The following BANK1 variants were observed in gnomAD, a reference collection of about 807,000 sequenced individuals.
BANK1 encodes B-cell scaffold protein with ankyrin repeats.
BANK1 carries 95 observed loss-of-function variants against 94.5 expected under a neutral mutation model. That is an observed-to-expected ratio of 1.00 (90% CI 0.85 to 1.19). BANK1 has a LOEUF of 1.19. Ranked by LOEUF, BANK1 falls within the 50% of genes most tolerant of loss-of-function variation. The pLI, the probability that BANK1 is intolerant of heterozygous loss-of-function variation, is 0.00. For synonymous variants in BANK1, 334 were observed against 308.4 expected (o/e 1.08, Z -0.87); for missense variants, 987 against 932.2 (o/e 1.06, Z -0.77).
rs148316621 is a variant in BANK1 at position 101,983,224 on chromosome 4, A to G, written c.1207-38290A>G. ...AGTTAATATTTAAATTTTAAAATACACATTTATGACTTACTCTCAAATACA... is the reference window on the plus strand; with the variant it reads ...AGTTAATATTTAAATTTTAAAATACGCATTTATGACTTACTCTCAAATACA... On this transcript the variant is annotated intron_variant, in intron 7 of 16. Coordinates refer to ENST00000322953, the MANE Select transcript of BANK1 (RefSeq NM_017935.5). Among the ~76,000 whole-genome samples, 575 of 152,196 alleles carry G rather than the reference A, an allele frequency of 3.8e-3. 7 individuals carry two copies. Among genetic ancestry groups the G allele is most frequent in the African/African-American group, 0.013 (549 of 41,554 alleles).
chr4:101,822,866 C>T (rs555802104), intron 1 of BANK1, among the ~76,000 whole-genome samples: 6 of 152,246 alleles, frequency 3.9e-5, no homozygotes, highest in Admixed American at 2.0e-4. Context: ...CCGCCCGCCT[C>T]GGCCTCCCAG....
intron 13 of BANK1, among the ~76,000 whole-genome samples, chr4:102,068,088 G>A (rs1728648940): frequency 1.3e-5 from 2 of 151,698 alleles, no homozygotes; most frequent in Admixed American, 6.6e-5. Context: ...ATAACATGAG[G>A]GTCAAATAAG....
intron 7 of BANK1, among the ~76,000 whole-genome samples, chr4:101,988,318 T>C (rs2148930741): frequency 6.6e-6 from 1 of 152,312 alleles, no homozygotes; most frequent in Non-Finnish European, 1.5e-5. Flanking sequence ...AAAACAGCTT[T>C]TAGAGTTCTA....
At chr4:101,925,781 T>C (rs1310726197) in intron 7 of BANK1, among the ~76,000 whole-genome samples, 1 of 151,716 alleles carries the variant, frequency 6.6e-6, no homozygotes, top group Admixed American at 6.6e-5. Flanking sequence ...AGTTCTTTCA[T>C]TTTTTTCTGG....
chr4:101,964,731 A>T (rs1245258349), intron 7 of BANK1, among the ~76,000 whole-genome samples: 1 of 152,008 alleles, frequency 6.6e-6, no homozygotes, highest in African/African-American at 2.4e-5. Context: ...TAAAGATGAG[A>T]TTAACTTAAA....
chr4:101,857,859 G>A (rs916194831), intron 3 of BANK1, among the ~76,000 whole-genome samples: 20 of 152,020 alleles, frequency 1.3e-4, no homozygotes, highest in African/African-American at 4.8e-4. Flanking sequence ...CTATAAGACT[G>A]GCACACTTTT....
At position 102,060,233 on chromosome 4, in the gene BANK1, A is replaced by C. The variant is rs781231788; in HGVS notation, c.1992A>C (p.Pro664=). ...TAGACAGAGCTCGGATAGAGAGTCC[A>C]GCCTTTTCTACTCTCAGGGGCTGTC... The part of the protein sequence containing the change: ...KKQDRARIES[P]AFSTLRGCLT... Residue 664 remains proline, a synonymous_variant, in exon 12 of 17, where the codon CCA becomes CCC. Coordinates refer to ENST00000322953, the MANE Select transcript of BANK1 (RefSeq NM_017935.5). The C allele has an allele frequency of 6.3e-7, 1 of 1,587,362 alleles. No individual in the cohort carries two copies. The highest frequency in any genetic ancestry group is 8.5e-7 in the Non-Finnish European group (1 of 1,172,836).
intron 10 of BANK1, among the ~76,000 whole-genome samples, chr4:102,032,813 A>G (rs894569249): frequency 6.6e-6 from 1 of 151,972 alleles, no homozygotes; most frequent in Non-Finnish European, 1.5e-5. Context: ...TGAACCCAGG[A>G]GTCGGAGGTT....
intron 5 of BANK1, among the ~76,000 whole-genome samples, chr4:101,879,427 C>G (rs1728598592): frequency 6.6e-6 from 1 of 151,900 alleles, no homozygotes; most frequent in African/African-American, 2.4e-5. Flanking sequence ...CTTAACAGAC[C>G]AATAACAAGT....
chr4:102,027,388 A>G (rs931147189), intron 9 of BANK1, among the ~76,000 whole-genome samples: 1 of 152,194 alleles, frequency 6.6e-6, no homozygotes, highest in Non-Finnish European at 1.5e-5. Context: ...TAGCAAATAT[A>G]AAAAGCAAAA....
At chr4:101,907,082 G>A (rs1316493182) in intron 6 of BANK1, among the ~76,000 whole-genome samples, 1 of 152,192 alleles carries the variant, frequency 6.6e-6, no homozygotes, top group East Asian at 1.9e-4. Flanking sequence ...GAAACGAAGG[G>A]ATGGGCTGAA....
Position 101,903,000 on chromosome 4 carries a change from A to G in BANK1, c.1009+7590A>G, listed in dbSNP as rs551515611. Among the ~76,000 whole-genome samples the G allele has an allele frequency of 1.8e-4, 27 of 152,372 alleles. No homozygotes were observed. The South Asian group carries it at 4.1e-3, about 23-fold the overall frequency. ...ATTAACTGTGTGGAATGAACCACGA[A>G]TGAAGAATCAGAAATCACATTAATG... On this transcript the variant is annotated intron_variant, in intron 6 of 16. Coordinates refer to ENST00000322953, the MANE Select transcript of BANK1 (RefSeq NM_017935.5).
chr4:102,060,476 G>C, intron 12 of BANK1, 87 bp downstream of exon 12: 12 of 1,391,704 alleles, frequency 8.6e-6, no homozygotes, highest in Middle Eastern at 1.8e-4. Context: ...AGGAATACAG[G>C]TAACTGTTCT....
rs116355111 is a variant in BANK1, at chr4:101,975,352, G to A, written c.1207-46162G>A. Among the ~76,000 whole-genome samples the A allele has an allele frequency of 6.5e-3, 992 of 152,266 alleles. 11 individuals carry two copies. Among genetic ancestry groups the A allele is most frequent in the African/African-American group, 0.022 (921 of 41,562 alleles). Reference sequence around the variant, plus strand: ...CTCCAGTTAAAGATGAGTTGTTCATGTAAGTCTAGACTATCTAAATTATGC... The same window carrying A: ...CTCCAGTTAAAGATGAGTTGTTCATATAAGTCTAGACTATCTAAATTATGC... On this transcript the variant is annotated intron_variant, in intron 7 of 16. Coordinates refer to ENST00000322953, the MANE Select transcript of BANK1 (RefSeq NM_017935.5).
At chr4:101,846,975 C>G (rs1231191985) in intron 2 of BANK1, among the ~76,000 whole-genome samples, 3 of 152,248 alleles carry the variant, frequency 2.0e-5, no homozygotes, top group Middle Eastern at 3.4e-3. Flanking sequence ...ATGGCAACTT[C>G]CATCCCTTTT....
At chr4:101,828,383 T>TTATATATATATATATATATATATA (rs60877981) in intron 1 of BANK1, among the ~76,000 whole-genome samples, 17 of 142,172 alleles carry the variant, frequency 1.2e-4, no homozygotes, top group African/African-American at 3.8e-4. Context: ...ATGAGTGAAT[T>TTATATATATATATATATATATATA]TATATATATA....
intron 9 of BANK1, among the ~76,000 whole-genome samples, chr4:102,027,670 G>GAA (rs57958483): frequency 0.062 from 8,754 of 141,754 alleles, 292 homozygotes; most frequent in East Asian, 0.11. Flanking sequence ...GTTACTGAAG[G>GAA]AAAAAAAAAA....
chr4:102,072,845 C>T lies in BANK1; in HGVS notation c.2298+445C>T, dbSNP rs28424276. On this transcript the variant is annotated intron_variant, in intron 15 of 16. Transcript: ENST00000322953. Reference sequence around the variant, plus strand: ...GAGTTAACTGAAAATAAATTGCTAACGAGAAGCTAATGATAACACTAAGCA... The same window carrying T: ...GAGTTAACTGAAAATAAATTGCTAATGAGAAGCTAATGATAACACTAAGCA... 6.8e-3 allele frequency among the ~76,000 whole-genome samples: 1,028 copies of T among 152,138 alleles called. 18 individuals carry two copies. The highest frequency in any genetic ancestry group is 0.053 in the East Asian group (273 of 5,178).
chr4:101,895,272 C>A, intron 5 of BANK1, 33 bp from the exon 6 acceptor site: 2 of 1,234,096 alleles, frequency 1.6e-6, no homozygotes, highest in Non-Finnish European at 2.3e-6. Flanking sequence ...AATAATTAAC[C>A]TAGTGAAAAT....
Sources: allele counts gnomAD v4.1 joint callset (sites outside exome capture counted in the v4.1 genomes callset), GRCh38; gene constraint gnomAD v4.1.1; transcripts MANE v1.5; gene names NCBI Gene and HGNC (gene_info 2026-07-23, HGNC 2026-07-21).